GJB7: variants seen among roughly 807,000 people sequenced by gnomAD.
The protein encoded by GJB7 is gap junction beta-7 protein.
For synonymous variants in GJB7, 87 were observed against 95.2 expected (o/e 0.91, Z 0.50); for missense variants, 253 against 256.8 (o/e 0.99, Z 0.10).
chr6:87,326,168 T>C (rs1776816180), intron 1 of GJB7, among the ~76,000 whole-genome samples: 1 of 152,236 alleles, frequency 6.6e-6, no homozygotes, highest in Admixed American at 6.5e-5. Flanking sequence ...TTTATCTTTA[T>C]TAGTCTTGCT....
intron 1 of GJB7, among the ~76,000 whole-genome samples, chr6:87,323,505 A>G (rs1300472135): frequency 3.5e-5 from 5 of 141,590 alleles, no homozygotes; most frequent in Middle Eastern, 4.3e-3. Flanking sequence ...ATTCCCACCT[A>G]TGAGTGAGAA....
chr6:87,299,188 G>A (rs1776286327), intron 2 of GJB7: 2 of 448,352 alleles, frequency 4.5e-6, no homozygotes, highest in Non-Finnish European at 9.0e-6. Context: ...GAAGTGTGAT[G>A]TTAGCTGTTG....
chr6:87,289,601 T>G (rs1776128846), intron 2 of GJB7, among the ~76,000 whole-genome samples: 1 of 152,224 alleles, frequency 6.6e-6, no homozygotes, highest in South Asian at 2.1e-4. Context: ...GCTTGGCTCA[T>G]GTGGATGAAT....
intron 2 of GJB7, among the ~76,000 whole-genome samples, chr6:87,285,665 A>T (rs1776048014): frequency 6.6e-6 from 1 of 152,122 alleles, no homozygotes; most frequent in African/African-American, 2.4e-5. Context: ...TGTGTTTTGT[A>T]TTCTGTGGTC....
chr6:87,316,144 A>G (rs1776581532), intron 2 of GJB7, among the ~76,000 whole-genome samples: 1 of 152,174 alleles, frequency 6.6e-6, no homozygotes, highest in Non-Finnish European at 1.5e-5. Flanking sequence ...TCTTCTGTAT[A>G]CATGAGCTGA....
chr6:87,289,360 G>C (rs546609106), intron 2 of GJB7, among the ~76,000 whole-genome samples: 4 of 152,302 alleles, frequency 2.6e-5, no homozygotes, highest in Non-Finnish European at 5.9e-5. Context: ...TGTTCTTTAA[G>C]AGAAGGAACT....
intron 1 of GJB7, among the ~76,000 whole-genome samples, chr6:87,324,707 A>G (rs371460321): frequency 3.0e-4 from 45 of 151,640 alleles, no homozygotes; most frequent in African/African-American, 4.1e-4. Flanking sequence ...GTAGTGTGAT[A>G]CCTCCAGCTT....
chr6:87,317,523 G>A (rs865819041), intron 2 of GJB7, among the ~76,000 whole-genome samples: 2 of 150,776 alleles, frequency 1.3e-5, no homozygotes, highest in Middle Eastern at 3.5e-3. Flanking sequence ...TCCGCCTCCC[G>A]GGTTCAAGCA....
In GJB7 at chr6:87,284,562, A is replaced by G; in HGVS notation, c.351T>C (p.Asp117=). 6.2e-7 allele frequency: 1 copy of G among 1,614,142 alleles called. No individual in the cohort carries two copies. The highest frequency in any genetic ancestry group is 8.5e-7 in the Non-Finnish European group (1 of 1,180,000). The change falls in exon 3 of 3, where the codon GAT becomes GAC. Residue 117 remains aspartate, a synonymous_variant. Coordinates refer to ENST00000525899, the MANE Select transcript of GJB7 (RefSeq NM_198568.3). ...TAAGATAAGCGTACCATAGGCCCCCATCCATTGTACCTGGGCTGACATAGA... is the reference window on the plus strand; with the variant it reads ...TAAGATAAGCGTACCATAGGCCCCCGTCCATTGTACCTGGGCTGACATAGA... ...KKLYVSPGTM[D]GGLWYAYLIS... is the part of the protein sequence containing the mutation.
intron 2 of GJB7, among the ~76,000 whole-genome samples, chr6:87,308,012 G>A (rs572853378): frequency 7.9e-5 from 12 of 152,314 alleles, no homozygotes; most frequent in African/African-American, 2.9e-4. Flanking sequence ...TTAAGAAAAT[G>A]TGGCACATAT....
At chr6:87,311,798 A>G (rs1056172705) in intron 2 of GJB7, among the ~76,000 whole-genome samples, 9 of 152,176 alleles carry the variant, frequency 5.9e-5, no homozygotes, top group African/African-American at 2.2e-4. Context: ...TCCTGGCAAG[A>G]ATTTCTTGGG....
chr6:87,312,438 G>A (rs1419445838), intron 2 of GJB7, among the ~76,000 whole-genome samples: 1 of 151,060 alleles, frequency 6.6e-6, no homozygotes, highest in Non-Finnish European at 1.5e-5. Context: ...TTGAACTCGC[G>A]AGGCGGAGGT....
At chr6:87,286,730 AGTT>A (rs1651611038) in intron 2 of GJB7, among the ~76,000 whole-genome samples, 1 of 151,758 alleles carries the variant, frequency 6.6e-6, no homozygotes, top group Non-Finnish European at 1.5e-5. Context: ...TGTGCTTTTG[AGTT>A]GATCTCTCAA....
intron 2 of GJB7, among the ~76,000 whole-genome samples, chr6:87,317,342 C>T (rs539864772): frequency 1.1e-4 from 17 of 152,030 alleles, no homozygotes; most frequent in South Asian, 8.3e-4. Flanking sequence ...CTAGCCTGGG[C>T]GACAAAGCAA....
At chr6:87,312,630 T>A (rs995876811) in intron 2 of GJB7, among the ~76,000 whole-genome samples, 1 of 152,214 alleles carries the variant, frequency 6.6e-6, no homozygotes, top group Non-Finnish European at 1.5e-5. Context: ...AAGAACATTT[T>A]AACAAAAGAA....
At chr6:87,298,780 A>T in intron 2 of GJB7, 1 of 252,322 alleles carries the variant, frequency 4.0e-6, no homozygotes. Context: ...AAATGCTTCA[A>T]TTACCCACAG....
At chr6:87,324,609 GT>G (rs1386562936) in intron 1 of GJB7, among the ~76,000 whole-genome samples, 1 of 150,294 alleles carries the variant, frequency 6.7e-6, no homozygotes, top group Non-Finnish European at 1.5e-5. Context: ...TGAGGGCTCT[GT>G]TCTATTCCAT....
At chr6:87,327,558 T>C (rs1231581458) in intron 1 of GJB7, among the ~76,000 whole-genome samples, 3 of 150,224 alleles carry the variant, frequency 2.0e-5, no homozygotes, top group Non-Finnish European at 3.0e-5. Context: ...AAAATTCTTT[T>C]CTTTAAGAAT....
chr6:87,309,357 T>C (rs887879232), intron 2 of GJB7, among the ~76,000 whole-genome samples: 1 of 152,262 alleles, frequency 6.6e-6, no homozygotes, highest in African/African-American at 2.4e-5. Flanking sequence ...TTCCAGCTTG[T>C]GCTTTTGAGT....
Sources: allele counts gnomAD v4.1 joint callset (sites outside exome capture counted in the v4.1 genomes callset), GRCh38; gene constraint gnomAD v4.1.1; transcripts MANE v1.5; gene names NCBI Gene and HGNC (gene_info 2026-07-23, HGNC 2026-07-21).